Variants in CAMSAP2 observed in about 807,000 individuals in gnomAD.
The protein encoded by CAMSAP2 is calmodulin regulated spectrin associated protein family member 2, also known as calmodulin-regulated spectrin-associated protein 2.
CAMSAP2 carries 26 observed loss-of-function variants against 146.1 expected under a neutral mutation model. The observed-to-expected ratio is 0.18, with a 90% CI of 0.13 to 0.25. The LOEUF (loss-of-function observed/expected upper bound fraction) is 0.25. Ranked by LOEUF, CAMSAP2 falls within the 10% of genes least tolerant of loss-of-function variation. CAMSAP2 has a pLI of 1.00. For synonymous variants in CAMSAP2, 499 were observed against 596.6 expected, an observed-to-expected ratio of 0.84 and a Z score of 2.38; for missense variants, 1,381 against 1,759.3, an observed-to-expected ratio of 0.78 and a Z score of 3.85.
At position 200,847,103 on chromosome 1, in the gene CAMSAP2, A is replaced by G. The variant is rs1667477134; in HGVS notation, c.1110-107A>G. The G allele has an allele frequency of 1.0e-5, 7 of 699,054 alleles. No individual in the cohort carries two copies. In the East Asian group the frequency reaches 1.9e-4, roughly 19 times the overall value. 43.3% of individuals were successfully genotyped at this position (699,054 alleles called of 1,614,324 possible). Reference sequence around the variant, plus strand: ...ATATGTTTCCATATTTTTAAAATTTAGGTTGTAGAATGAGAGGTGGTAGTG... The same window carrying G: ...ATATGTTTCCATATTTTTAAAATTTGGGTTGTAGAATGAGAGGTGGTAGTG... On this transcript the variant is annotated intron_variant, in intron 8 of 16. Transcript: ENST00000358823.
intron 4 of CAMSAP2, among the ~76,000 whole-genome samples, chr1:200,817,203 T>TACAC (rs1279999603): frequency 2.0e-5 from 2 of 99,728 alleles, no homozygotes; most frequent in Admixed American, 2.0e-4. Flanking sequence ...TGTGTGTGTA[T>TACAC]ACACACATAC....
At position 200,816,808 on chromosome 1, in the gene CAMSAP2, A is replaced by ATATATGTGTGTACACACACACGCGTGTG. The variant is rs1666530669; in HGVS notation, c.645+1168_645+1195dup. On this transcript the variant is annotated intron_variant, in intron 4 of 16. Coordinates refer to ENST00000358823, the MANE Select transcript of CAMSAP2 (RefSeq NM_203459.4). ...TATGTGTGTACACACACACGCGTGT[A>ATATATGTGTGTACACACACACGCGTGTG]TATATGTGTGTACACACACACGCGT... Among the ~76,000 whole-genome samples, 4 of 45,312 alleles carry ATATATGTGTGTACACACACACGCGTGTG rather than the reference A, an allele frequency of 8.8e-5. 1 individual carries two copies. The highest frequency in any genetic ancestry group is 1.7e-3 in the South Asian group (2 of 1,194). The allele number at this position is 45,312 out of a possible 152,430, so 29.7% of individuals were successfully genotyped here. A position where few individuals can be genotyped will look rare whatever the true frequency, so the allele number is the denominator to read the frequency against.
chr1:200,751,535 C>CAAAA lies in CAMSAP2; in HGVS notation c.140-9283_140-9280dup, dbSNP rs35294926. 1.8e-3 allele frequency among the ~76,000 whole-genome samples: 74 copies of CAAAA among 41,574 alleles called. 4 individuals carry two copies. Among genetic ancestry groups the CAAAA allele is most frequent in the African/African-American group, 5.3e-3 (63 of 11,836 alleles). 27.3% of individuals were successfully genotyped at this position (41,574 alleles called of 152,430 possible). A position where few individuals can be genotyped will look rare whatever the true frequency, so the allele number is the denominator to read the frequency against. On this transcript the variant is annotated intron_variant, in intron 1 of 16. Transcript: ENST00000358823. Reference sequence around the variant, plus strand: ...GGGTGACAAGAGTGAGACTCCATCTCAAAAAAAAAAAAAAAAAAAAAAAAG... The same window carrying CAAAA: ...GGGTGACAAGAGTGAGACTCCATCTCAAAAAAAAAAAAAAAAAAAAAAAAAAAAG...
rs1210385404 is a variant in CAMSAP2 at position 200,852,630 on chromosome 1, G to A, written c.3555G>A (p.Arg1185=). The change falls in exon 12 of 17, where the codon CGG becomes CGA. Residue 1185 remains arginine, a synonymous_variant. Transcript: ENST00000358823. The part of the protein sequence containing the change: ...RLRREKETQL[R]KQQLEAEMEH... ...GAAGGGAAAAGGAAACTCAGCTCCG[G>A]AAACAACAGTTGGAAGCAGAAATGG... 3 of 1,613,866 alleles carry A rather than the reference G, an allele frequency of 1.9e-6. No homozygotes were observed. In the South Asian group the frequency reaches 3.3e-5, roughly 18 times the overall value.
intron 4 of CAMSAP2, among the ~76,000 whole-genome samples, chr1:200,817,034 C>A (rs1305474170): frequency 4.4e-5 from 6 of 137,832 alleles, no homozygotes; most frequent in Non-Finnish European, 8.2e-5. Flanking sequence ...ATGTGTATAC[C>A]CACATACACA....
At chr1:200,781,542 T>A (rs1421729948) in intron 2 of CAMSAP2, among the ~76,000 whole-genome samples, 1 of 151,970 alleles carries the variant, frequency 6.6e-6, no homozygotes, top group African/African-American at 2.4e-5. Context: ...TTGTTGTATG[T>A]TTGTTTTTGT....
chr1:200,806,779 A>G lies in CAMSAP2; in HGVS notation c.400-597A>G, dbSNP rs1221378869. 4.4e-3 allele frequency among the ~76,000 whole-genome samples: 654 copies of G among 148,714 alleles called. 1 individual carries two copies. Among genetic ancestry groups the G allele is most frequent in the African/African-American group, 7.1e-3 (289 of 40,704 alleles). ...TGTGTGTGTGTGTATCTATCTATCT[A>G]TCTATCTATCTATCTATCTATCTAT... On this transcript the variant is annotated intron_variant, in intron 2 of 16. Transcript: ENST00000358823.
chr1:200,816,274 C>G (rs549563347), intron 4 of CAMSAP2, among the ~76,000 whole-genome samples: 4 of 132,466 alleles, frequency 3.0e-5, no homozygotes, highest in Middle Eastern at 6.8e-3. Context: ...GGGGACAGAG[C>G]GAGACTCCAT....
chr1:200,821,638 G>T (rs964519788), intron 4 of CAMSAP2, among the ~76,000 whole-genome samples: 1 of 152,328 alleles, frequency 6.6e-6, no homozygotes, highest in South Asian at 2.1e-4. Flanking sequence ...TGGGATTACA[G>T]GCGTAAGCCA....
At chr1:200,749,534 A>C (rs1457185675) in intron 1 of CAMSAP2, among the ~76,000 whole-genome samples, 2 of 152,204 alleles carry the variant, frequency 1.3e-5, no homozygotes, top group East Asian at 3.8e-4. Context: ...GGTGCCTCAT[A>C]AATATTAGGT....
chr1:200,748,295 C>T (rs539071659), intron 1 of CAMSAP2, among the ~76,000 whole-genome samples: 76 of 152,310 alleles, frequency 5.0e-4, no homozygotes, highest in African/African-American at 1.7e-3. Flanking sequence ...CCCATCTATA[C>T]GTGTATCAGT....
intron 4 of CAMSAP2, among the ~76,000 whole-genome samples, chr1:200,822,572 G>A (rs1666802706): frequency 6.6e-6 from 1 of 152,182 alleles, no homozygotes; most frequent in African/African-American, 2.4e-5. Flanking sequence ...AGAGGCACAT[G>A]ATATCCATTT....
intron 2 of CAMSAP2, among the ~76,000 whole-genome samples, chr1:200,769,295 TACTA>T (rs1665046922): frequency 6.6e-6 from 1 of 152,184 alleles, no homozygotes; most frequent in Non-Finnish European, 1.5e-5. Flanking sequence ...TTGCTAAACT[TACTA>T]TTTTTGATGA....
At chr1:200,774,088 C>G (rs1665198262) in intron 2 of CAMSAP2, among the ~76,000 whole-genome samples, 2 of 152,018 alleles carry the variant, frequency 1.3e-5, no homozygotes, top group South Asian at 2.1e-4. Context: ...CATCCATACC[C>G]CAGTGTGTGT....
chr1:200,753,691 G>A (rs1161256967), intron 1 of CAMSAP2, among the ~76,000 whole-genome samples: 5 of 152,064 alleles, frequency 3.3e-5, no homozygotes, highest in Non-Finnish European at 7.4e-5. Context: ...CTGCCCTCTG[G>A]TGCACCCTAT....
intron 2 of CAMSAP2, among the ~76,000 whole-genome samples, chr1:200,806,765 G>GTATCTATCTATCTATC (rs149381434): frequency 1.6e-4 from 23 of 140,226 alleles, no homozygotes; most frequent in African/African-American, 3.8e-4. Context: ...GTGTGTGTGT[G>GTATCTATCTATCTATC]TATCTATCTA....
At chr1:200,846,886 C>T (rs369364405) in intron 8 of CAMSAP2, among the ~76,000 whole-genome samples, 11 of 152,036 alleles carry the variant, frequency 7.2e-5, no homozygotes, top group Admixed American at 2.6e-4. Context: ...TTAGATTTGA[C>T]CAAAGTATTT....
chr1:200,779,253 AG>A (rs528412311), intron 2 of CAMSAP2, among the ~76,000 whole-genome samples: 18 of 152,168 alleles, frequency 1.2e-4, no homozygotes, highest in Non-Finnish European at 2.4e-4. Flanking sequence ...CCCACACCAA[AG>A]GGTTTTTAAT....
chr1:200,754,295 C>T (rs1664587293), intron 1 of CAMSAP2, among the ~76,000 whole-genome samples: 1 of 152,140 alleles, frequency 6.6e-6, no homozygotes, highest in African/African-American at 2.4e-5. Context: ...CTCAGTAAAT[C>T]ATATCAGGGG....
Sources: gnomAD v4.1 joint callset for allele counts (sites outside exome capture counted in the v4.1 genomes callset) on GRCh38, gnomAD v4.1.1 for gene constraint, MANE v1.5 for transcripts, NCBI Gene and HGNC (gene_info 2026-07-23, HGNC 2026-07-21) for gene names.